FGGY: variants seen among roughly 807,000 people sequenced by gnomAD.
The protein encoded by FGGY is FGGY carbohydrate kinase domain containing, also known as FGGY carbohydrate kinase domain-containing protein.
A neutral mutation model predicts 71.3 loss-of-function variants in FGGY; 72 were observed. The ratio of observed to expected loss-of-function variants is 1.01; its 90% confidence interval spans 0.84 to 1.23. The LOEUF (loss-of-function observed/expected upper bound fraction) is 1.23. Among genes scored for constraint, FGGY ranks in the 50% most tolerant of loss-of-function variants. The pLI is 0.00. For missense variants in FGGY, 668 were observed against 682.3 expected (o/e 0.98, Z 0.23); for synonymous variants, 251 against 250.3 (o/e 1.00, Z -0.02).
intron 5 of FGGY, among the ~76,000 whole-genome samples, chr1:59,455,500 C>T (rs1179461977): frequency 6.6e-6 from 1 of 152,194 alleles, no homozygotes; most frequent in Non-Finnish European, 1.5e-5. Context: ...GAGATGGACA[C>T]AGTCATATCA....
At chr1:59,350,406 A>G (rs898730217) in intron 4 of FGGY, among the ~76,000 whole-genome samples, 2 of 152,184 alleles carry the variant, frequency 1.3e-5, no homozygotes, top group African/African-American at 2.4e-5. Flanking sequence ...TTTGGGAAAA[A>G]GGATTTGCTT....
rs927588351 is a variant in FGGY at position 59,321,642 on chromosome 1, G to T, written c.93G>T (p.Gly31=). 2 of 1,613,664 alleles carry T rather than the reference G, an allele frequency of 1.2e-6. No individual in the cohort carries two copies. The highest frequency in any genetic ancestry group is 3.3e-5 in the Admixed American group (2 of 59,962). Residue 31 remains glycine, a synonymous_variant, in exon 2 of 16, where the codon GGG becomes GGT. Transcript: ENST00000303721. ...SVRAALVDQS[G]VLLAFADQPI... ...GTGCAGCTCTGGTGGACCAGAGTGG[G>T]GTCCTGTTGGCTTTTGCAGACCAGC...
chr1:59,515,328 A>C (rs191249200), intron 7 of FGGY, among the ~76,000 whole-genome samples: 2 of 152,102 alleles, frequency 1.3e-5, no homozygotes, highest in Admixed American at 1.3e-4. Context: ...CCCGCATTGT[A>C]TCTAGGAAGT....
rs188805719 is a variant in FGGY at position 59,375,860 on chromosome 1, A to G, written c.466-2889A>G. ...TCGTTATATAATGTCTTTAATGACC[A>G]CACACAAGATCTAAAGTAGTTTTTT... On this transcript the variant is annotated intron_variant, in intron 4 of 15. Coordinates refer to ENST00000303721, the MANE Select transcript of FGGY (RefSeq NM_018291.5). Among the ~76,000 whole-genome samples the G allele has an allele frequency of 3.3e-3, 486 of 149,292 alleles. 2 individuals are homozygous for G. The highest frequency in any genetic ancestry group is 0.012 in the African/African-American group (475 of 40,642).
Position 59,751,488 on chromosome 1 carries a change from A to G in FGGY, c.1513-6443A>G, listed in dbSNP as rs139238966. ...TCATAGATTATTTACTCTATAAAAC[A>G]AGTGAAATATAGCTGAACCAAAGTA... On this transcript the variant is annotated intron_variant, in intron 14 of 15. Transcript: ENST00000303721. Among the ~76,000 whole-genome samples the G allele has an allele frequency of 4.2e-3, 633 of 152,360 alleles. 3 individuals carry two copies. The highest frequency in any genetic ancestry group is 0.015 in the African/African-American group (618 of 41,582).
intron 2 of FGGY, among the ~76,000 whole-genome samples, chr1:59,337,048 CATAT>C (rs35698016): frequency 7.7e-5 from 11 of 142,022 alleles, no homozygotes; most frequent in Non-Finnish European, 9.1e-5. Context: ...TGTATATAGT[CATAT>C]ATATATATAT....
At chr1:59,627,593 A>AGAT (rs970113848) in intron 10 of FGGY, among the ~76,000 whole-genome samples, 1 of 151,490 alleles carries the variant, frequency 6.6e-6, no homozygotes, top group Non-Finnish European at 1.5e-5. Flanking sequence ...CTCTCTGCTG[A>AGAT]GATGGCTTGG....
chr1:59,496,743 T>G (rs1256570316), intron 6 of FGGY, among the ~76,000 whole-genome samples: 3 of 152,158 alleles, frequency 2.0e-5, no homozygotes, highest in African/African-American at 7.2e-5. Flanking sequence ...ACTAGATTGA[T>G]TAAAAAAATG....
chr1:59,565,476 G>A (rs1257283702), intron 8 of FGGY, among the ~76,000 whole-genome samples: 13 of 152,132 alleles, frequency 8.5e-5, no homozygotes, highest in Admixed American at 5.9e-4. Context: ...AGTAGAGACG[G>A]GGTTTCACCG....
chr1:59,535,551 A>G (rs1323755483), intron 7 of FGGY, among the ~76,000 whole-genome samples: 2 of 152,024 alleles, frequency 1.3e-5, no homozygotes, highest in East Asian at 1.9e-4. Flanking sequence ...ACCACACCAC[A>G]CCTATTCCAA....
At chr1:59,340,669 G>A (rs546826832) in intron 3 of FGGY, among the ~76,000 whole-genome samples, 12 of 152,270 alleles carry the variant, frequency 7.9e-5, no homozygotes, top group African/African-American at 2.9e-4. Flanking sequence ...ATTTTTCACA[G>A]CAGATAAGGT....
At chr1:59,608,554 G>A (rs184418664) in intron 9 of FGGY, among the ~76,000 whole-genome samples, 3 of 152,192 alleles carry the variant, frequency 2.0e-5, no homozygotes, top group Admixed American at 6.5e-5. Context: ...AGGGCCATGC[G>A]GTACACAGTG....
intron 4 of FGGY, among the ~76,000 whole-genome samples, chr1:59,362,566 CT>C (rs1170500794): frequency 6.6e-6 from 1 of 152,230 alleles, no homozygotes; most frequent in Non-Finnish European, 1.5e-5. Context: ...GCTGATGCTT[CT>C]GCCTGCACTT....
At chr1:59,544,962 C>G (rs1007585474) in intron 7 of FGGY, among the ~76,000 whole-genome samples, 1 of 152,212 alleles carries the variant, frequency 6.6e-6, no homozygotes, top group Non-Finnish European at 1.5e-5. Context: ...CATCTTCCTT[C>G]CCTGATGGCT....
intron 14 of FGGY, among the ~76,000 whole-genome samples, chr1:59,740,373 A>G (rs937710623): frequency 6.6e-6 from 1 of 152,212 alleles, no homozygotes; most frequent in South Asian, 2.1e-4. Context: ...AACTACCTCT[A>G]AGAGAAAAGC....
intron 8 of FGGY, among the ~76,000 whole-genome samples, chr1:59,578,795 GCTGGGGTTGTCCT>G (rs1320293859): frequency 6.6e-6 from 1 of 152,004 alleles, no homozygotes; most frequent in Non-Finnish European, 1.5e-5. Flanking sequence ...CACACACAAG[GCTGGGGTTGTCCT>G]CTCGTCCCTC....
intron 10 of FGGY, among the ~76,000 whole-genome samples, chr1:59,633,232 G>A (rs574510776): frequency 1.3e-5 from 2 of 152,134 alleles, no homozygotes; most frequent in East Asian, 1.9e-4. Flanking sequence ...GGATGGTCTC[G>A]ATCTCCTGAC....
intron 6 of FGGY, among the ~76,000 whole-genome samples, chr1:59,502,824 A>G (rs916131701): frequency 2.0e-5 from 3 of 152,176 alleles, no homozygotes; most frequent in African/African-American, 7.2e-5. Flanking sequence ...GATGGTCTGT[A>G]TGGGCCATTC....
At chr1:59,742,335 A>T (rs143781738) in intron 14 of FGGY, among the ~76,000 whole-genome samples, 6 of 152,236 alleles carry the variant, frequency 3.9e-5, no homozygotes, top group African/African-American at 1.2e-4. Flanking sequence ...GGGCTTTTCA[A>T]CCCCTACTCA....
Sources: gnomAD v4.1 joint callset for allele counts (sites outside exome capture counted in the v4.1 genomes callset) on GRCh38, gnomAD v4.1.1 for gene constraint, MANE v1.5 for transcripts, NCBI Gene and HGNC (gene_info 2026-07-23, HGNC 2026-07-21) for gene names.